The following KRT6B variants were observed in gnomAD, a reference collection of about 807,000 sequenced individuals.
KRT6B encodes keratin, type II cytoskeletal 6B.
Under a neutral mutation model 44.7 loss-of-function variants are expected in KRT6B, and 29 were observed. The ratio of observed to expected loss-of-function variants is 0.65; its 90% CI spans 0.48 to 0.88. The LOEUF (loss-of-function observed/expected upper bound fraction) is 0.88. Ranked by LOEUF, KRT6B falls within the 40% of genes least tolerant of loss-of-function variation. KRT6B has a pLI of 0.00. For missense variants in KRT6B, 600 were observed against 724.0 expected, an observed-to-expected ratio of 0.83 and a Z score of 1.97; for synonymous variants, 213 against 296.0, an observed-to-expected ratio of 0.72 and a Z score of 2.88.
intron 1 of KRT6B, 47 bp downstream of exon 1, chr12:52,451,492 G>A (rs780025319): frequency 3.7e-6 from 6 of 1,613,110 alleles, no homozygotes; most frequent in Non-Finnish European, 5.1e-6. Flanking sequence ...TGCTCTTCTG[G>A]TCTGGGGACC....
chr12:52,450,856 A>T (rs1247044221), intron 1 of KRT6B, among the ~76,000 whole-genome samples: 13 of 152,264 alleles, frequency 8.5e-5, no homozygotes, highest in Admixed American at 7.2e-4. Flanking sequence ...GCTATTGATC[A>T]TCAGTGAGTT....
intron 6 of KRT6B, 112 bp downstream of exon 6, chr12:52,448,730 T>C: frequency 6.4e-7 from 1 of 1,568,716 alleles, no homozygotes. Flanking sequence ...ATGTCTTTCC[T>C]TCTCTGCTTA....
rs888425267 is a variant in KRT6B, at chr12:52,449,021, C to T, written c.1078-54G>A. 1.0e-5 allele frequency: 16 copies of T among 1,587,912 alleles called. No homozygotes were observed. The East Asian group carries it at 1.1e-4, about 11-fold the overall frequency. On this transcript the variant is annotated intron_variant, in intron 5 of 8. Transcript: ENST00000252252. ...GTGTCTACGGGTTCTTACCTGGGAGCGATGACTTTCACTTGTGTATCATGA... is the reference window on the plus strand; with the variant it reads ...GTGTCTACGGGTTCTTACCTGGGAGTGATGACTTTCACTTGTGTATCATGA...
Position 52,447,408 on chromosome 12 carries a change from C to A in KRT6B, c.1477G>T (p.Val493Phe). ...CTGGCACCGCCATAGCCACTGGAGA[C>A]GGTGGACTGCACTACAGCTGTGGTG... ...QVNISVVQST[V>F]SSGYGGASGV... The change falls in exon 9 of 9, where the codon GTC (valine) becomes TTC (phenylalanine). Residue 493 changes from valine to phenylalanine, a missense_variant. By Grantham distance (50) the Val-to-Phe change is conservative. This residue lies in a region of KRT6B where 479 missense variants were observed against 454.2 expected (regional missense o/e 1.05). Transcript: ENST00000252252. The A allele has an allele frequency of 1.2e-6, 2 of 1,614,060 alleles. No individual in the cohort carries two copies. The highest frequency in any genetic ancestry group is 1.7e-6 in the Non-Finnish European group (2 of 1,179,956).
Position 52,447,889 on chromosome 12 carries a change from T to C in KRT6B, c.1313A>G (p.Lys438Arg), listed in dbSNP as rs146391553. The change falls in exon 7 of 9, where the codon AAG becomes AGG. Residue 438 changes from lysine (K) to arginine (R), a missense_variant. By Grantham distance (26) the Lys-to-Arg change is conservative (BLOSUM62 2). Transcript: ENST00000252252. ...CTTCAGCAGCCGGGCCAGGTCCTGC[T>C]TGGCCTTCTGCAGGGCATCCTCCAG... is the stretch of plus-strand genomic sequence containing the variant. ...EGLEDALQKA[K>R]QDLARLLKEY... 9.5e-5 allele frequency: 153 copies of C among 1,614,210 alleles called. No homozygotes were observed. In the African/African-American group the frequency reaches 1.3e-3, roughly 14 times the overall value.
rs555671804 is a variant in KRT6B, at chr12:52,448,771, G to A, written c.1203+71C>T. 1,008 of 1,612,026 alleles carry A rather than the reference G, an allele frequency of 6.3e-4. 7 individuals carry two copies. Among genetic ancestry groups the A allele is most frequent in the South Asian group, 1.9e-3 (177 of 90,962 alleles). On this transcript the variant is annotated intron_variant, in intron 6 of 8. Coordinates refer to ENST00000252252, the MANE Select transcript of KRT6B (RefSeq NM_005555.4). ...CAATTCCCAAAGAATTTTACTAAAT[G>A]ATGGGTGACTACTGCCTCATGACCT...
chr12:52,450,267 T>C (rs756843680), intron 2 of KRT6B, 139 bp downstream of exon 2: 4 of 1,436,080 alleles, frequency 2.8e-6, no homozygotes, highest in Non-Finnish European at 3.9e-6. Flanking sequence ...TAACCATCTG[T>C]GGTTCTTGCA....
Position 52,449,494 on chromosome 12 carries a change from T to A in KRT6B, c.1052A>T (p.Glu351Val). 6.2e-7 allele frequency: 1 copy of A among 1,614,178 alleles called. No individual in the cohort carries two copies. The highest frequency in any genetic ancestry group is 8.5e-7 in the Non-Finnish European group (1 of 1,180,040). ...YEEIAQRSRA[E>V]AESWYQTKYE... Reference sequence around the variant, plus strand: ...CTTTGTCTGGTACCAGGACTCAGCCTCAGCCCTGCTCCTCTGAGCAATCTC... The same window carrying A: ...CTTTGTCTGGTACCAGGACTCAGCCACAGCCCTGCTCCTCTGAGCAATCTC... Residue 351 changes from glutamate (E) to valine (V), a missense_variant, in exon 5 of 9, where the codon GAG becomes GTG. Coordinates refer to ENST00000252252, the MANE Select transcript of KRT6B (RefSeq NM_005555.4).
chr12:52,447,935 C>T lies in KRT6B; in HGVS notation c.1267G>A (p.Ala423Thr). The T allele has an allele frequency of 6.2e-7, 1 of 1,614,186 alleles. No individual in the cohort carries two copies. The highest frequency in any genetic ancestry group is 8.5e-7 in the Non-Finnish European group (1 of 1,180,050). ...TCCAGCCCTTCCAGCTTGTTCTTAGCATCCTTGAGGGCCATCTCCCCACGC... is the reference window on the plus strand; with the variant it reads ...TCCAGCCCTTCCAGCTTGTTCTTAGTATCCTTGAGGGCCATCTCCCCACGC... ...EQRGEMALKDAKNKLEGLEDA... is the reference protein window; with the variant it reads ...EQRGEMALKDTKNKLEGLEDA... Residue 423 changes from alanine (A) to threonine (T), a missense_variant, in exon 7 of 9, where the codon GCT becomes ACT. Coordinates refer to ENST00000252252, the MANE Select transcript of KRT6B (RefSeq NM_005555.4).
chr12:52,448,918 T>C lies in KRT6B; in HGVS notation c.1127A>G (p.Asn376Ser), dbSNP rs1163654582. 2.5e-6 allele frequency: 4 copies of C among 1,613,794 alleles called. No homozygotes were observed. Among genetic ancestry groups the C allele is most frequent in the Non-Finnish European group, 3.4e-6 (4 of 1,179,964 alleles). ...TAGRHGDDLR[N>S]TKQEIAEINR... is the part of the protein sequence containing the mutation. ...GATCTCAGCAATCTCCTGCTTGGTG[T>C]TGCGCAGGTCGTCCCCATGTCTGCC... is the stretch of plus-strand genomic sequence containing the variant. The change falls in exon 6 of 9, where the codon AAC becomes AGC. Residue 376 changes from asparagine (N) to serine (S), a missense_variant. Asn to Ser is a conservative substitution (Grantham distance 46, BLOSUM62 1). Around this residue, in one of 4 missense-constraint regions of KRT6B, gnomAD observed 479 missense variants for 454.2 expected, o/e 1.05. Coordinates refer to ENST00000252252, the MANE Select transcript of KRT6B (RefSeq NM_005555.4).
At position 52,447,179 on chromosome 12, in the gene KRT6B, G is replaced by A; in HGVS notation, c.*11C>T. On this transcript the variant is annotated 3_prime_UTR_variant, in exon 9 of 9. Coordinates refer to ENST00000252252, the MANE Select transcript of KRT6B (RefSeq NM_005555.4). The stretch of plus-strand genomic sequence containing the variant: ...CTGAGAGCTGTGGGACTGAGAGCTG[G>A]CGGCAGCACTTCAGTGCTTGTAGCT... The A allele has an allele frequency of 6.2e-7, 1 of 1,613,922 alleles. No homozygotes were observed. Among genetic ancestry groups the A allele is most frequent in the Non-Finnish European group, 8.5e-7 (1 of 1,179,994 alleles).
chr12:52,447,479 G>A (rs754906178), intron 8 of KRT6B, 54 bp from the exon 9 acceptor site: 266 of 1,613,924 alleles, frequency 1.6e-4, no homozygotes, highest in Non-Finnish European at 2.0e-4. Context: ...TCATCCTGCC[G>A]GCCTGAGCCC....
intron 7 of KRT6B, 41 bp from the exon 8 acceptor site, chr12:52,447,614 C>T (rs779797175): frequency 4.8e-5 from 78 of 1,613,862 alleles, no homozygotes; most frequent in South Asian, 1.6e-4. Context: ...CTTCCCTGGA[C>T]GAGCATGGGA....
At chr12:52,450,744 G>T in intron 1 of KRT6B, 124 bp from the exon 2 acceptor site, 5 of 1,450,840 alleles carry the variant, frequency 3.4e-6, no homozygotes, top group Non-Finnish European at 4.8e-6. Context: ...ATGTAGAGAG[G>T]CTCAGGCTGA....
At chr12:52,447,501 T>G in intron 8 of KRT6B, 38 bp downstream of exon 8, 1 of 1,613,496 alleles carries the variant, frequency 6.2e-7, no homozygotes, top group Non-Finnish European at 8.5e-7. Context: ...GTCAGGAGAG[T>G]GCAAGGGCAG....
At chr12:52,449,684 A>C in intron 4 of KRT6B, 51 bp from the exon 5 acceptor site, 1 of 1,614,210 alleles carries the variant, frequency 6.2e-7, no homozygotes, top group Non-Finnish European at 8.5e-7. Flanking sequence ...ATTTACAGAG[A>C]TGCCCAGCCC....
chr12:52,449,537 C>G lies in KRT6B; in HGVS notation c.1009G>C (p.Val337Leu). Residue 337 changes from valine (V) to leucine (L), a missense_variant, in exon 5 of 9, where the codon GTC becomes CTC. Coordinates refer to ENST00000252252, the MANE Select transcript of KRT6B (RefSeq NM_005555.4). ...NLDLDSIIAE[V>L]KAQYEEIAQR... ...GCAATCTCCTCATATTGGGCCTTGA[C>G]CTCAGCGATGATGCTGTCCAGGTCC... 1 of 1,614,184 alleles carries G rather than the reference C, an allele frequency of 6.2e-7. No homozygotes were observed. Among genetic ancestry groups the G allele is most frequent in the East Asian group, 2.2e-5 (1 of 44,888 alleles).
chr12:52,449,294 T>G (rs1452150658), intron 5 of KRT6B, among the ~76,000 whole-genome samples, 175 bp downstream of exon 5: 4 of 152,222 alleles, frequency 2.6e-5, no homozygotes, highest in Non-Finnish European at 2.9e-5. Flanking sequence ...TGGGTTGTTT[T>G]TCCTCCTTGA....
Position 52,451,953 on chromosome 12 carries a change from C to G in KRT6B, c.126G>C (p.Arg42Ser). The G allele has an allele frequency of 1.2e-6, 2 of 1,613,426 alleles. No individual in the cohort carries two copies. The highest frequency in any genetic ancestry group is 1.7e-6 in the Non-Finnish European group (2 of 1,180,004). ...ATGCGCCACCCAGGCCACCACTGCC[C>G]CTGGAGCGGGACACGGAGATGCTGC... Reference protein sequence around the residue: ...GFSSISVSRSRGSGGLGGACG... With the variant: ...GFSSISVSRSSGSGGLGGACG... Residue 42 changes from arginine to serine, a missense_variant, in exon 1 of 9, where the codon AGG (arginine) becomes AGC (serine). Arg to Ser is a moderately radical substitution (Grantham distance 110). Coordinates refer to ENST00000252252, the MANE Select transcript of KRT6B (RefSeq NM_005555.4).
Sources: gnomAD v4.1 joint callset for allele counts (sites outside exome capture counted in the v4.1 genomes callset) on GRCh38, gnomAD v4.1.1 for gene constraint, gnomAD v4.1.1 regional missense constraint, MANE v1.5 for transcripts, NCBI Gene and HGNC (gene_info 2026-07-23, HGNC 2026-07-21) for gene names.